The following SWT1 variants were observed in gnomAD, a reference collection of about 807,000 sequenced individuals.
SWT1 encodes the protein transcriptional protein SWT1.
Under a neutral mutation model 107.3 loss-of-function variants are expected in SWT1, and 33 were observed. The observed-to-expected ratio is 0.31, with a 90% confidence interval of 0.23 to 0.41. The LOEUF (loss-of-function observed/expected upper bound fraction) is 0.41, where lower values mean the gene tolerates loss of function less well. Among genes scored for constraint, SWT1 ranks in the 10% least tolerant of loss-of-function variants. SWT1 has a pLI of 1.00. For missense variants in SWT1, 898 were observed against 1,028.9 expected, an observed-to-expected ratio of 0.87 and a Z score of 1.74; for synonymous variants, 345 against 348.3, an observed-to-expected ratio of 0.99 and a Z score of 0.11.
chr1:185,184,334 A>G lies in SWT1; in HGVS notation c.1230A>G (p.Thr410=), dbSNP rs755688911. The change falls in exon 8 of 19, where the codon ACA becomes ACG. Residue 410 remains threonine, a synonymous_variant. Transcript: ENST00000367500. Reference sequence around the variant, plus strand: ...AATTTGTTAGAATTTTGAAGACAACAGAAGTACCAGGTATTTACAGAACAT... The same window carrying G: ...AATTTGTTAGAATTTTGAAGACAACGGAAGTACCAGGTATTTACAGAACAT... The part of the protein sequence containing the change: ...HLKFVRILKT[T]EVPGFDKLVL... 6.6e-7 allele frequency: 1 copy of G among 1,508,022 alleles called. No homozygotes were observed. The highest frequency in any genetic ancestry group is 9.1e-7 in the Non-Finnish European group (1 of 1,095,354). 93.4% of individuals were successfully genotyped at this position (1,508,022 alleles called of 1,614,324 possible). A position where few individuals can be genotyped will look rare whatever the true frequency, so the allele number is the denominator to read the frequency against.
At chr1:185,216,580 A>G (rs1050194097) in intron 14 of SWT1, among the ~76,000 whole-genome samples, 2 of 152,202 alleles carry the variant, frequency 1.3e-5, no homozygotes, top group Admixed American at 1.3e-4. Context: ...GTACCATGAA[A>G]ATATGATGTT....
intron 11 of SWT1, among the ~76,000 whole-genome samples, chr1:185,203,962 CT>C (rs1658097977): frequency 6.6e-6 from 1 of 152,100 alleles, no homozygotes. Flanking sequence ...AGCTTGTCCA[CT>C]TTGTAGAGAT....
At chr1:185,197,316 C>T (rs1657480293) in intron 10 of SWT1, among the ~76,000 whole-genome samples, 1 of 152,126 alleles carries the variant, frequency 6.6e-6, no homozygotes, top group Non-Finnish European at 1.5e-5. Context: ...ATGAAGCTGA[C>T]TTGATCATGG....
At chr1:185,206,966 T>C (rs1658383803) in intron 13 of SWT1, among the ~76,000 whole-genome samples, 1 of 152,204 alleles carries the variant, frequency 6.6e-6, no homozygotes, top group African/African-American at 2.4e-5. Context: ...ACTGGATGAA[T>C]AGATGCAGCT....
chr1:185,264,564 T>C (rs1228743712), intron 16 of SWT1: 9 of 504,214 alleles, frequency 1.8e-5, no homozygotes, highest in Non-Finnish European at 2.0e-5. Flanking sequence ...CATTTAATCA[T>C]CTTAATATGC....
intron 15 of SWT1, among the ~76,000 whole-genome samples, chr1:185,224,657 C>G (rs1158531855): frequency 6.6e-6 from 1 of 151,948 alleles, no homozygotes; most frequent in African/African-American, 2.4e-5. Context: ...TTCTTTTATC[C>G]ATGTTTTAGA....
At chr1:185,171,491 G>A (rs781691028) in intron 4 of SWT1, 27 of 299,328 alleles carry the variant, frequency 9.0e-5, no homozygotes, top group Non-Finnish European at 1.7e-4. Flanking sequence ...GAGGCATCTC[G>A]GAAGTCATGG....
chr1:185,254,209 A>G (rs1205546506), intron 16 of SWT1, among the ~76,000 whole-genome samples: 35 of 114,510 alleles, frequency 3.1e-4, no homozygotes, highest in African/African-American at 1.4e-3. Flanking sequence ...TTTTGCATCA[A>G]TGTTCATCAA....
At position 185,256,628 on chromosome 1, in the gene SWT1, C is replaced by T. The variant is rs1380317221; in HGVS notation, c.2442-14695C>T. 6.2e-4 allele frequency among the ~76,000 whole-genome samples: 90 copies of T among 145,840 alleles called. 3 individuals carry two copies. In the South Asian group the frequency reaches 0.02, roughly 33 times the overall value. On this transcript the variant is annotated intron_variant, in intron 16 of 18. Transcript: ENST00000367500. ...AGTTCTCGAGCCTTGGTTTTCAGCT[C>T]CATCAGCTCCTTTAAGCACTTCTCT...
chr1:185,187,034 C>T (rs1390987172), intron 9 of SWT1, among the ~76,000 whole-genome samples: 2 of 136,106 alleles, frequency 1.5e-5, no homozygotes, highest in East Asian at 2.3e-4. Flanking sequence ...AGATTACAGG[C>T]GTGAGCCACC....
chr1:185,191,679 G>A (rs1213705493), intron 10 of SWT1, among the ~76,000 whole-genome samples: 1 of 152,086 alleles, frequency 6.6e-6, no homozygotes, highest in African/African-American at 2.4e-5. Context: ...TTACTTTGGA[G>A]TTTGTTGAAG....
chr1:185,157,995 C>G (rs891611099), intron 1 of SWT1, among the ~76,000 whole-genome samples: 1 of 152,146 alleles, frequency 6.6e-6, no homozygotes, highest in African/African-American at 2.4e-5. Flanking sequence ...AGGAGAAAAA[C>G]GTGAACTTTC....
rs1020577265 is a variant in SWT1 at position 185,290,401 on chromosome 1, ACT to A, written c.2574-270_2574-269del. On this transcript the variant is annotated intron_variant, in intron 18 of 18. Coordinates refer to ENST00000367500, the MANE Select transcript of SWT1 (RefSeq NM_017673.7). ...AGGCCAGCCTGGGCAAGATGCTGAGACTCTATCTCTAAAAAAAGTTTTTTTTT... is the reference window on the plus strand; with the variant it reads ...AGGCCAGCCTGGGCAAGATGCTGAGACTATCTCTAAAAAAAGTTTTTTTTT... Among the ~76,000 whole-genome samples the A allele has an allele frequency of 1.7e-4, 26 of 152,186 alleles. No homozygotes were observed. The East Asian group carries it at 3.3e-3, about 19-fold the overall frequency.
chr1:185,288,803 A>G (rs1219482032), intron 18 of SWT1, among the ~76,000 whole-genome samples: 1 of 152,144 alleles, frequency 6.6e-6, no homozygotes. Context: ...TTTGAATTCT[A>G]GATGCTAGAT....
intron 14 of SWT1, among the ~76,000 whole-genome samples, chr1:185,216,154 C>T (rs1306654806): frequency 6.6e-6 from 1 of 152,010 alleles, no homozygotes. Flanking sequence ...TTTAAATAAA[C>T]TGAGTGGAAA....
At chr1:185,253,514 G>C (rs1662222504) in intron 16 of SWT1, among the ~76,000 whole-genome samples, 2 of 149,974 alleles carry the variant, frequency 1.3e-5, no homozygotes, top group Admixed American at 1.3e-4. Flanking sequence ...TTGTAAGTTG[G>C]ATTCCTAGGT....
intron 16 of SWT1, among the ~76,000 whole-genome samples, chr1:185,234,462 C>T (rs1660721168): frequency 6.6e-6 from 1 of 151,960 alleles, no homozygotes; most frequent in Admixed American, 6.6e-5. Flanking sequence ...CTATTTGCTT[C>T]GTAAATATTC....
At chr1:185,252,026 T>C (rs1253137735) in intron 16 of SWT1, among the ~76,000 whole-genome samples, 1 of 151,628 alleles carries the variant, frequency 6.6e-6, no homozygotes, top group Non-Finnish European at 1.5e-5. Flanking sequence ...TTCCCACCTA[T>C]GAGTGAGAAT....
intron 16 of SWT1, among the ~76,000 whole-genome samples, chr1:185,258,539 G>A (rs552145378): frequency 6.6e-6 from 1 of 152,042 alleles, no homozygotes; most frequent in East Asian, 1.9e-4. Context: ...TAAATATACT[G>A]ACGTGTTTTT....
Sources: gnomAD v4.1 joint callset for allele counts (sites outside exome capture counted in the v4.1 genomes callset) on GRCh38, gnomAD v4.1.1 for gene constraint, MANE v1.5 for transcripts, NCBI Gene and HGNC (gene_info 2026-07-23, HGNC 2026-07-21) for gene names.